The following STAMBP variants were observed in gnomAD, a reference collection of about 807,000 sequenced individuals.
STAMBP encodes STAM-binding protein.
Under a neutral mutation model 50.7 loss-of-function variants are expected in STAMBP, and 31 were observed. The observed-to-expected ratio is 0.61, with a 90% CI of 0.46 to 0.83. The LOEUF (loss-of-function observed/expected upper bound fraction) is 0.83, where lower values mean the gene tolerates loss of function less well. Ranked by LOEUF, STAMBP falls within the 40% of genes least tolerant of loss-of-function variation. The pLI is 0.00. For synonymous variants in STAMBP, 211 were observed against 192.4 expected (o/e 1.10, Z -0.80); for missense variants, 472 against 518.9 (o/e 0.91, Z 0.88).
At position 73,843,425 on chromosome 2, in the gene STAMBP, T is replaced by TATATATATATATATATATAC. The variant is rs1675685158; in HGVS notation, c.204-1379_204-1378insTATATATATACATATATATA. Among the ~76,000 whole-genome samples, 5 of 146,464 alleles carry TATATATATATATATATATAC rather than the reference T, an allele frequency of 3.4e-5. No individual in the cohort carries two copies. In the South Asian group the frequency reaches 1.1e-3, roughly 31 times the overall value. ...GTGTATGTATATATATATATGTATATATATATATAAATTAAAAAATATAAA... is the reference window on the plus strand; with the variant it reads ...GTGTATGTATATATATATATGTATATATATATATATATATATATACATATATATAAATTAAAAAATATAAA... On this transcript the variant is annotated intron_variant, in intron 2 of 9. Coordinates refer to ENST00000394070, the MANE Select transcript of STAMBP (RefSeq NM_213622.4).
At chr2:73,868,942 A>G (rs1375351499), downstream of STAMBP, among the ~76,000 whole-genome samples, 5 of 152,348 alleles carry the variant, frequency 3.3e-5, no homozygotes, top group East Asian at 9.6e-4. Context: ...TCTAATATAT[A>G]ACACCCAGCG....
chr2:73,860,412 T>C, intron 9 of STAMBP: 1 of 556,764 alleles, frequency 1.8e-6, no homozygotes, highest in South Asian at 3.9e-5. Flanking sequence ...ATAGGCATAA[T>C]AATAACACCT....
At chr2:73,860,026 CTT>C in intron 8 of STAMBP, 24 bp from the exon 9 acceptor site, 1 of 1,593,938 alleles carries the variant, frequency 6.3e-7, no homozygotes, top group Non-Finnish European at 8.6e-7. Context: ...TTGCTTGACT[CTT>C]AGCCTGCCTT....
chr2:73,836,101 A>G (rs1021829325), intron 2 of STAMBP, among the ~76,000 whole-genome samples: 7 of 152,184 alleles, frequency 4.6e-5, no homozygotes, highest in Non-Finnish European at 7.3e-5. Flanking sequence ...ATATATGTAT[A>G]TAATAAAATC....
chr2:73,867,735 A>G (rs2104754608), downstream of STAMBP, among the ~76,000 whole-genome samples: 1 of 152,342 alleles, frequency 6.6e-6, no homozygotes, highest in African/African-American at 2.4e-5. Flanking sequence ...ATTATTTAAG[A>G]AGAAAGAATC....
In STAMBP at chr2:73,850,287, A is replaced by G; in HGVS notation, c.868-89A>G. On this transcript the variant is annotated intron_variant, in intron 6 of 9. Coordinates refer to ENST00000394070, the MANE Select transcript of STAMBP (RefSeq NM_213622.4). This position sits in a 1 kb window ranked among gnomAD's most constrained non-coding sequence, Gnocchi z 4.3. The stretch of plus-strand genomic sequence containing the variant: ...GTGTGGGAAGGGCTTTCACTTGTAT[A>G]GATGCTTACCTTTCCACTGTCGGGA... 7 of 1,499,294 alleles carry G rather than the reference A, an allele frequency of 4.7e-6. No homozygotes were observed. The South Asian group carries it at 6.8e-5, about 15-fold the overall frequency. The allele number at this position is 1,499,294 out of a possible 1,614,324, so 92.9% of individuals were successfully genotyped here.
At chr2:73,858,872 G>A (rs1677922605) in intron 7 of STAMBP, among the ~76,000 whole-genome samples, 1 of 152,150 alleles carries the variant, frequency 6.6e-6, no homozygotes, top group Admixed American at 6.5e-5. Context: ...AGACTTGGTT[G>A]TATGTCAGAG....
chr2:73,831,348 G>T (rs1001106302), intron 2 of STAMBP, among the ~76,000 whole-genome samples: 1 of 152,228 alleles, frequency 6.6e-6, no homozygotes, highest in Non-Finnish European at 1.5e-5. Context: ...ATGTTCTGAT[G>T]AATGCTTTTA....
chr2:73,838,061 C>A (rs1450257973), intron 2 of STAMBP, among the ~76,000 whole-genome samples: 4 of 152,152 alleles, frequency 2.6e-5, no homozygotes. Context: ...GGGTGATCTT[C>A]ATAAGCAATT....
intron 7 of STAMBP, chr2:73,855,738 C>T (rs1464578582): frequency 4.4e-6 from 2 of 455,536 alleles, no homozygotes; most frequent in Admixed American, 4.7e-5. Flanking sequence ...ACAGTGAGCT[C>T]ATCACAGCAC....
chr2:73,830,052 ATCTGAT>A (rs977946169), intron 1 of STAMBP, among the ~76,000 whole-genome samples: 5 of 152,146 alleles, frequency 3.3e-5, no homozygotes, highest in African/African-American at 1.2e-4. Context: ...GGAATTTGGA[ATCTGAT>A]TCTAACAGCA....
intron 2 of STAMBP, among the ~76,000 whole-genome samples, chr2:73,841,137 A>G (rs1675334482): frequency 6.6e-6 from 1 of 151,984 alleles, no homozygotes; most frequent in South Asian, 2.1e-4. Flanking sequence ...TGTTTTTGCA[A>G]TCATATCTTT....
At chr2:73,867,364 G>A (rs1230187923), downstream of STAMBP, among the ~76,000 whole-genome samples, 3 of 152,190 alleles carry the variant, frequency 2.0e-5, no homozygotes, top group African/African-American at 7.2e-5. Context: ...GATCAACATG[G>A]AGAAACCCTG....
chr2:73,832,774 A>G (rs1674128214), intron 2 of STAMBP, among the ~76,000 whole-genome samples: 1 of 152,182 alleles, frequency 6.6e-6, no homozygotes, highest in Non-Finnish European at 1.5e-5. Context: ...CAGTGTGACA[A>G]CCAAAAATGT....
At chr2:73,848,966 C>T (rs2104523612) in intron 5 of STAMBP, among the ~76,000 whole-genome samples, 1 of 152,138 alleles carries the variant, frequency 6.6e-6, no homozygotes, top group East Asian at 1.9e-4. Flanking sequence ...TGTTTTGATA[C>T]AGGCATGCAA....
At chr2:73,868,264 A>G (rs1405036671), downstream of STAMBP, among the ~76,000 whole-genome samples, 1 of 152,154 alleles carries the variant, frequency 6.6e-6, no homozygotes, top group Non-Finnish European at 1.5e-5. Flanking sequence ...TAGAACACTA[A>G]AAAAATCATC....
Position 73,850,122 on chromosome 2 carries a change from G to A in STAMBP, c.868-254G>A, listed in dbSNP as rs1323099007. ...TCAGCAGAGCAGTTTGGCACAGCAG[G>A]AAATTCCCTCAGGGCTGTGGTGTTT... On this transcript the variant is annotated intron_variant, in intron 6 of 9. Transcript: ENST00000394070. The surrounding 1 kb of genome is among the most constrained non-coding windows in gnomAD (Gnocchi z 4.3). Among the ~76,000 whole-genome samples, 2 of 152,180 alleles carry A rather than the reference G, an allele frequency of 1.3e-5. No homozygotes were observed. Among genetic ancestry groups the A allele is most frequent in the Non-Finnish European group, 2.9e-5 (2 of 68,028 alleles).
intron 2 of STAMBP, among the ~76,000 whole-genome samples, chr2:73,834,227 AAAAAAAAAAATATATATATATAT>A (rs1674358083): frequency 4.0e-5 from 1 of 25,296 alleles, no homozygotes; most frequent in African/African-American, 1.3e-4. Flanking sequence ...AAAAAAAAAA[AAAAAAAAAAATATATATATATAT>A]ATATATATAT....
intron 2 of STAMBP, among the ~76,000 whole-genome samples, chr2:73,839,438 C>G (rs975888038): frequency 9.9e-5 from 15 of 152,138 alleles, no homozygotes; most frequent in Admixed American, 3.3e-4. Flanking sequence ...GAACACCAAC[C>G]CTTTTTCTGA....
Sources: gnomAD v4.1 joint callset for allele counts (sites outside exome capture counted in the v4.1 genomes callset) on GRCh38, gnomAD v4.1.1 for gene constraint, Gnocchi (gnomAD v3.1) non-coding constraint, MANE v1.5 for transcripts, NCBI Gene and HGNC (gene_info 2026-07-23, HGNC 2026-07-21) for gene names.